The following BABAM2 variants were observed in gnomAD, a reference collection of about 807,000 sequenced individuals.
BABAM2 encodes BRISC and BRCA1-A complex member 2.
Under a neutral mutation model 54.7 loss-of-function variants are expected in BABAM2, and 31 were observed. That is an observed-to-expected ratio of 0.57 (90% CI 0.43 to 0.77). The LOEUF is 0.77. Among genes scored for constraint, BABAM2 ranks in the 30% least tolerant of loss-of-function variants. The pLI is 0.00. For synonymous variants in BABAM2, 167 were observed against 162.9 expected, an observed-to-expected ratio of 1.03 and a Z score of -0.19; for missense variants, 364 against 455.8, an observed-to-expected ratio of 0.80 and a Z score of 1.83.
At chr2:28,313,869 C>CA (rs1689285383) in intron 11 of BABAM2, among the ~76,000 whole-genome samples, 1 of 152,206 alleles carries the variant, frequency 6.6e-6, no homozygotes, top group African/African-American at 2.4e-5. Flanking sequence ...TACATTCTGA[C>CA]AGTGAGGCTG....
chr2:28,319,791 C>T (rs1445457567), intron 11 of BABAM2, among the ~76,000 whole-genome samples: 1 of 152,226 alleles, frequency 6.6e-6, no homozygotes, highest in Non-Finnish European at 1.5e-5. Flanking sequence ...TTCAGCTCAG[C>T]TCAAGGAGTG....
intron 7 of BABAM2, among the ~76,000 whole-genome samples, chr2:28,149,670 C>T (rs1671835899): frequency 6.6e-6 from 1 of 152,178 alleles, no homozygotes; most frequent in Admixed American, 6.5e-5. Flanking sequence ...ACAGTTGCCA[C>T]TTCCTTTAGC....
chr2:28,170,323 T>C (rs867772393), intron 7 of BABAM2, among the ~76,000 whole-genome samples: 1 of 152,080 alleles, frequency 6.6e-6, no homozygotes, highest in African/African-American at 2.4e-5. Context: ...GATTATGTAT[T>C]GTTTTAATTT....
chr2:28,112,533 G>T (rs1004428512), intron 6 of BABAM2, among the ~76,000 whole-genome samples: 4 of 151,922 alleles, frequency 2.6e-5, no homozygotes, highest in African/African-American at 9.7e-5. Flanking sequence ...CAAAGGACAT[G>T]AACTCATCCT....
chr2:28,207,049 C>T (rs1413121698), intron 7 of BABAM2, among the ~76,000 whole-genome samples: 1 of 152,120 alleles, frequency 6.6e-6, no homozygotes, highest in Non-Finnish European at 1.5e-5. Flanking sequence ...ACTATGTTGC[C>T]AAGTGACAGA....
chr2:28,054,536 T>A (rs925879415), intron 6 of BABAM2, among the ~76,000 whole-genome samples: 20 of 152,080 alleles, frequency 1.3e-4, no homozygotes, highest in African/African-American at 4.6e-4. Flanking sequence ...CCTTTGGAGG[T>A]GATTCAGTTA....
chr2:27,955,819 A>T (rs550594105), intron 3 of BABAM2, among the ~76,000 whole-genome samples: 1 of 152,200 alleles, frequency 6.6e-6, no homozygotes, highest in Non-Finnish European at 1.5e-5. Flanking sequence ...ACGAACAGAG[A>T]TAGTTAAAGC....
At chr2:28,020,471 C>T (rs1344764058) in intron 4 of BABAM2, among the ~76,000 whole-genome samples, 5 of 152,004 alleles carry the variant, frequency 3.3e-5, no homozygotes, top group South Asian at 2.1e-4. Context: ...TTAAATAGCT[C>T]CCAACTATGG....
chr2:28,026,989 A>ATATAT lies in BABAM2; in HGVS notation c.495+1569_495+1570insTATAT, dbSNP rs1558668326. On this transcript the variant is annotated intron_variant, in intron 5 of 11. Coordinates refer to ENST00000379624, the MANE Select transcript of BABAM2 (RefSeq NM_199191.3). The stretch of plus-strand genomic sequence containing the variant: ...ATATATAAATATATAAATATATATA[A>ATATAT]AAATATATAAATATATATATAAAAG... Among the ~76,000 whole-genome samples the ATATAT allele has an allele frequency of 3.5e-4, 38 of 110,014 alleles. 1 individual carries two copies. Among genetic ancestry groups the ATATAT allele is most frequent in the Middle Eastern group, 4.1e-3 (1 of 244 alleles). The allele number at this position is 110,014 out of a possible 152,430, so 72.2% of individuals were successfully genotyped here. A position where few individuals can be genotyped will look rare whatever the true frequency, so the allele number is the denominator to read the frequency against.
intron 7 of BABAM2, among the ~76,000 whole-genome samples, chr2:28,135,830 C>G (rs1216754166): frequency 6.6e-6 from 1 of 152,152 alleles, no homozygotes; most frequent in Non-Finnish European, 1.5e-5. Flanking sequence ...CTATCATTAC[C>G]TAGTTCAGTC....
intron 10 of BABAM2, among the ~76,000 whole-genome samples, chr2:28,282,998 A>AG (rs1491154354): frequency 3.6e-5 from 1 of 27,520 alleles, no homozygotes; most frequent in Non-Finnish European, 7.7e-5. Context: ...ACTCCGTCCC[A>AG]AAAAAAAAAA....
At chr2:28,006,290 A>T (rs890304034) in intron 4 of BABAM2, among the ~76,000 whole-genome samples, 1 of 152,060 alleles carries the variant, frequency 6.6e-6, no homozygotes, top group African/African-American at 2.4e-5. Flanking sequence ...TACTTGGTAC[A>T]TAGTCACAAA....
chr2:28,163,060 C>T (rs530529574), intron 7 of BABAM2, among the ~76,000 whole-genome samples: 52 of 152,266 alleles, frequency 3.4e-4, no homozygotes, highest in Non-Finnish European at 6.8e-4. Context: ...TATTTATAAA[C>T]ATTTTTATTG....
chr2:28,146,626 G>GC (rs1460331109), intron 7 of BABAM2, among the ~76,000 whole-genome samples: 1 of 152,146 alleles, frequency 6.6e-6, no homozygotes, highest in Non-Finnish European at 1.5e-5. Context: ...CATCAGTGGG[G>GC]CCACTGTAGA....
intron 3 of BABAM2, among the ~76,000 whole-genome samples, chr2:27,939,427 G>A (rs879369409): frequency 1.3e-5 from 2 of 152,126 alleles, no homozygotes; most frequent in Admixed American, 6.5e-5. Flanking sequence ...AATATTTGTT[G>A]AAGAAATAGA....
chr2:28,224,800 C>T (rs966492055), intron 7 of BABAM2, among the ~76,000 whole-genome samples: 6 of 133,700 alleles, frequency 4.5e-5, no homozygotes, highest in South Asian at 2.3e-4. Flanking sequence ...ATTGTTAGCA[C>T]GATAGGGAGG....
chr2:28,271,410 C>G (rs1296209314), intron 10 of BABAM2, among the ~76,000 whole-genome samples: 1 of 150,584 alleles, frequency 6.6e-6, no homozygotes. Context: ...GATTTCCTCT[C>G]CTCGTGGCCT....
chr2:28,149,834 G>A (rs1558385011), intron 7 of BABAM2, among the ~76,000 whole-genome samples: 2 of 152,134 alleles, frequency 1.3e-5, no homozygotes, highest in Admixed American at 1.3e-4. Flanking sequence ...TCAGCAAATT[G>A]GCATCTTGGG....
At chr2:28,065,353 T>G (rs905206211) in intron 6 of BABAM2, among the ~76,000 whole-genome samples, 2 of 152,208 alleles carry the variant, frequency 1.3e-5, no homozygotes, top group Non-Finnish European at 2.9e-5. Context: ...GGCTTCTCAC[T>G]CACAGGTACT....
Sources: allele counts gnomAD v4.1 joint callset (sites outside exome capture counted in the v4.1 genomes callset), GRCh38; gene constraint gnomAD v4.1.1; transcripts MANE v1.5; gene names NCBI Gene and HGNC (gene_info 2026-07-23, HGNC 2026-07-21).